ITIH5: variants seen among roughly 807,000 people sequenced by gnomAD.
ITIH5 encodes inter-alpha-trypsin inhibitor heavy chain 5.
ITIH5 carries 65 observed loss-of-function variants against 77.5 expected under a neutral mutation model. The observed-to-expected ratio is 0.84, with a 90% CI of 0.69 to 1.03. The LOEUF is 1.03. Ranked by LOEUF, ITIH5 falls within the 50% of genes least tolerant of loss-of-function variation. The pLI is 0.00. For missense variants in ITIH5, 1,208 were observed against 1,213.1 expected (o/e 1.00, Z 0.06); for synonymous variants, 525 against 494.3 (o/e 1.06, Z -0.82).
At chr10:7,650,791 G>T (rs1242445664) in intron 2 of ITIH5, among the ~76,000 whole-genome samples, 1 of 151,722 alleles carries the variant, frequency 6.6e-6, no homozygotes, top group Non-Finnish European at 1.5e-5. Flanking sequence ...GGAGAAAAAG[G>T]CACTTCCCCA....
In ITIH5 at chr10:7,586,016, G is replaced by T. The variant is rs1452372664; in HGVS notation, c.993C>A (p.Phe331Leu). 2 of 1,613,958 alleles carry T rather than the reference G, an allele frequency of 1.2e-6. No individual in the cohort carries two copies. Among genetic ancestry groups the T allele is most frequent in the African/African-American group, 2.7e-5 (2 of 74,890 alleles). Reference protein sequence around the residue: ...ILHDLRPQDRFSIIGFSNRIK... With the variant: ...ILHDLRPQDRLSIIGFSNRIK... ...TCCGGTTGGAAAATCCAATGATACTGAAACGGTCCTGGGGTCGGAGGTCAT... is the reference window on the plus strand; with the variant it reads ...TCCGGTTGGAAAATCCAATGATACTTAAACGGTCCTGGGGTCGGAGGTCAT... The change falls in exon 8 of 14, where the codon TTC becomes TTA. Residue 331 changes from phenylalanine to leucine, a missense_variant. Transcript: ENST00000397146.
chr10:7,623,802 C>CAAA (rs55790282), intron 5 of ITIH5, among the ~76,000 whole-genome samples: 144 of 79,898 alleles, frequency 1.8e-3, no homozygotes, highest in African/African-American at 5.6e-3. Flanking sequence ...GACTCCATCT[C>CAAA]AAAAAAAAAA....
At chr10:7,615,336 G>A (rs1017318251) in intron 7 of ITIH5, among the ~76,000 whole-genome samples, 3 of 152,178 alleles carry the variant, frequency 2.0e-5, no homozygotes, top group Non-Finnish European at 4.4e-5. Flanking sequence ...AAAGATATTA[G>A]CTGGTCTGGC....
intron 5 of ITIH5, among the ~76,000 whole-genome samples, chr10:7,625,773 A>G (rs202231974): frequency 3.3e-5 from 5 of 149,682 alleles, no homozygotes; most frequent in East Asian, 2.0e-4. Context: ...TCAAAAAAAA[A>G]AAAGAAAGAA....
chr10:7,626,981 A>G (rs1418904701), intron 5 of ITIH5, among the ~76,000 whole-genome samples: 1 of 152,162 alleles, frequency 6.6e-6, no homozygotes, highest in Non-Finnish European at 1.5e-5. Context: ...ATAACCAACA[A>G]TTATTTCCCC....
intron 7 of ITIH5, among the ~76,000 whole-genome samples, chr10:7,586,480 T>C (rs1298454012): frequency 6.6e-6 from 1 of 152,154 alleles, no homozygotes; most frequent in Non-Finnish European, 1.5e-5. Context: ...GAGCTGATCA[T>C]TCCCTCCCTT....
chr10:7,633,000 C>T (rs1197254185), intron 5 of ITIH5, among the ~76,000 whole-genome samples: 1 of 152,120 alleles, frequency 6.6e-6, no homozygotes, highest in Admixed American at 6.5e-5. Flanking sequence ...GAGTAACCAG[C>T]CTTAAAACAA....
In ITIH5 at chr10:7,607,094, C is replaced by T. The variant is rs185693682; in HGVS notation, c.939+8888G>A. On this transcript the variant is annotated intron_variant, in intron 7 of 13. Transcript: ENST00000397146. ...TGAAACATGCATCTGCTGGTAGCAACGTCTTGACAAGGGCAGCCCAGTAGA... is the reference window on the plus strand; with the variant it reads ...TGAAACATGCATCTGCTGGTAGCAATGTCTTGACAAGGGCAGCCCAGTAGA... Among the ~76,000 whole-genome samples the T allele has an allele frequency of 2.8e-3, 428 of 152,320 alleles. 1 individual carries two copies. The highest frequency in any genetic ancestry group is 9.6e-3 in the African/African-American group (397 of 41,568).
chr10:7,566,668 T>C (rs963330449), intron 12 of ITIH5, among the ~76,000 whole-genome samples: 2 of 144,052 alleles, frequency 1.4e-5, no homozygotes, highest in East Asian at 2.0e-4. Flanking sequence ...GCTGCAGTGA[T>C]CTGTGATTGC....
chr10:7,637,596 G>T, intron 4 of ITIH5, 118 bp from the exon 5 acceptor site: 1 of 973,730 alleles, frequency 1.0e-6, no homozygotes, highest in African/African-American at 1.6e-5. Context: ...GGAGACCCAT[G>T]GGTGTGAGTG....
At chr10:7,567,078 A>T (rs937086873) in intron 12 of ITIH5, among the ~76,000 whole-genome samples, 2 of 151,844 alleles carry the variant, frequency 1.3e-5, no homozygotes, top group Non-Finnish European at 2.9e-5. Flanking sequence ...GGGAATGCGT[A>T]AAGTTATGTG....
intron 5 of ITIH5, chr10:7,618,885 T>G (rs915914454): frequency 6.6e-6 from 1 of 152,232 alleles, no homozygotes; most frequent in Non-Finnish European, 1.5e-5. Context: ...CAGAGACAAT[T>G]TAGGTGTAAC....
chr10:7,575,469 GAACTTGACAGGAGCCCAGTAAA>G (rs1832391428), intron 10 of ITIH5, among the ~76,000 whole-genome samples: 1 of 152,206 alleles, frequency 6.6e-6, no homozygotes, highest in Non-Finnish European at 1.5e-5. Flanking sequence ...CTAGGAGAGA[GAACTTGACAGGAGCCCAGTAAA>G]AATGTGATGC....
chr10:7,664,969 G>C (rs1375529195), intron 1 of ITIH5, among the ~76,000 whole-genome samples: 10 of 152,166 alleles, frequency 6.6e-5, no homozygotes, highest in Admixed American at 5.9e-4. Context: ...GCCAAGATTT[G>C]AACCCAGAAT....
At chr10:7,649,264 T>C (rs1346326881) in intron 2 of ITIH5, among the ~76,000 whole-genome samples, 1 of 151,900 alleles carries the variant, frequency 6.6e-6, no homozygotes, top group East Asian at 1.9e-4. Context: ...TCTTCTTTCT[T>C]CCCCCTTCTT....
intron 8 of ITIH5, among the ~76,000 whole-genome samples, chr10:7,580,988 G>A (rs192042469): frequency 5.9e-5 from 9 of 152,234 alleles, no homozygotes; most frequent in Non-Finnish European, 1.0e-4. Context: ...AGCCAGGCAC[G>A]GTGGCTCATG....
chr10:7,658,155 G>T (rs1186001065), intron 1 of ITIH5, among the ~76,000 whole-genome samples: 1 of 152,180 alleles, frequency 6.6e-6, no homozygotes, highest in African/African-American at 2.4e-5. Context: ...GCATCAAAGT[G>T]CTAATCAATG....
intron 3 of ITIH5, among the ~76,000 whole-genome samples, chr10:7,641,648 GGA>G (rs1564275775): frequency 1.4e-3 from 149 of 109,364 alleles, no homozygotes; most frequent in African/African-American, 5.6e-3. Flanking sequence ...AAGGAAGGAA[GGA>G]AGGGAGGGAG....
intron 12 of ITIH5, among the ~76,000 whole-genome samples, chr10:7,567,169 A>C (rs1375990667): frequency 1.3e-5 from 2 of 151,262 alleles, no homozygotes; most frequent in Non-Finnish European, 3.0e-5. Context: ...TCGTAGATGG[A>C]GGCATGAAGC....
Sources: allele counts gnomAD v4.1 joint callset (sites outside exome capture counted in the v4.1 genomes callset), GRCh38; gene constraint gnomAD v4.1.1; transcripts MANE v1.5; gene names NCBI Gene and HGNC (gene_info 2026-07-23, HGNC 2026-07-21).